The following TLL2 variants were observed in gnomAD, a reference collection of about 807,000 sequenced individuals.
TLL2 encodes the protein tolloid-like protein 2.
TLL2 carries 106 observed loss-of-function variants against 123.0 expected under a neutral mutation model. The observed-to-expected ratio is 0.86, with a 90% confidence interval of 0.74 to 1.01. The LOEUF is 1.01. Among genes scored for constraint, TLL2 ranks in the 50% least tolerant of loss-of-function variants. The pLI is 0.00. For missense variants in TLL2, 1,332 were observed against 1,336.7 expected, an observed-to-expected ratio of 1.00 and a Z score of 0.06; for synonymous variants, 494 against 516.8, an observed-to-expected ratio of 0.96 and a Z score of 0.60.
chr10:96,474,384 C>T (rs1847216110), intron 2 of TLL2, among the ~76,000 whole-genome samples: 1 of 152,188 alleles, frequency 6.6e-6, no homozygotes. Context: ...GGGAGGCATG[C>T]AGAGCAAAGA....
intron 2 of TLL2, among the ~76,000 whole-genome samples, chr10:96,447,471 G>A (rs920480467): frequency 1.3e-5 from 2 of 152,202 alleles, no homozygotes; most frequent in African/African-American, 4.8e-5. Flanking sequence ...ACCAGACACT[G>A]CAGTGGAGGT....
intron 7 of TLL2, among the ~76,000 whole-genome samples, chr10:96,417,139 G>A (rs540413692): frequency 1.4e-4 from 22 of 152,318 alleles, no homozygotes; most frequent in African/African-American, 4.1e-4. Flanking sequence ...CCCCAGATCA[G>A]CATATGTTCC....
At chr10:96,481,886 C>G (rs1847314800) in intron 1 of TLL2, among the ~76,000 whole-genome samples, 2 of 152,186 alleles carry the variant, frequency 1.3e-5, no homozygotes, top group African/African-American at 4.8e-5. Context: ...AAGCTGAGAA[C>G]TTCGAGTAAC....
At chr10:96,504,384 C>A (rs1847559955) in intron 1 of TLL2, among the ~76,000 whole-genome samples, 1 of 152,002 alleles carries the variant, frequency 6.6e-6, no homozygotes, top group Non-Finnish European at 1.5e-5. Flanking sequence ...CTGAGGTGGG[C>A]AGATCACTTG....
At chr10:96,417,828 CTG>C (rs1490877185) in intron 7 of TLL2, among the ~76,000 whole-genome samples, 1 of 152,224 alleles carries the variant, frequency 6.6e-6, no homozygotes, top group African/African-American at 2.4e-5. Context: ...TGTCAGATGA[CTG>C]TTGCTGTGAG....
At chr10:96,471,419 T>G (rs1171057579) in intron 2 of TLL2, among the ~76,000 whole-genome samples, 1 of 152,152 alleles carries the variant, frequency 6.6e-6, no homozygotes, top group Non-Finnish European at 1.5e-5. Flanking sequence ...CAGAGTCCCC[T>G]GCAGGTTCCG....
rs1325789432 is a variant in TLL2 at position 96,386,157 on chromosome 10, CG to C, written c.1910del (p.Pro637ArgfsTer42). On this transcript the variant is annotated frameshift_variant, in exon 15 of 21. Coordinates refer to ENST00000357947, the MANE Select transcript of TLL2 (RefSeq NM_012465.4). LOFTEE classifies it high-confidence loss of function. ...LNGTITSPGW[P>X]KEYPTNKNCV... ...AGTTTTTGTTTGTGGGATACTCCTT[CG>C]GCCACCCAGGGCTGGTGATGGTTCC... 5 of 1,612,888 alleles carry C rather than the reference CG, an allele frequency of 3.1e-6. No individual in the cohort carries two copies. The highest frequency in any genetic ancestry group is 1.3e-5 in the African/African-American group (1 of 74,980).
chr10:96,421,849 A>G (rs1589418601), intron 6 of TLL2, among the ~76,000 whole-genome samples: 1 of 151,212 alleles, frequency 6.6e-6, no homozygotes, highest in African/African-American at 2.4e-5. Flanking sequence ...AAAAACAAAC[A>G]AAAAAAACAA....
At chr10:96,410,291 A>T (rs1222981770) in intron 9 of TLL2, 68 bp downstream of exon 9, 4 of 1,162,724 alleles carry the variant, frequency 3.4e-6, no homozygotes, top group Non-Finnish European at 5.0e-6. Flanking sequence ...TATTAACAAT[A>T]AGAACTCCTC....
chr10:96,458,738 T>A (rs1847043608), intron 2 of TLL2, among the ~76,000 whole-genome samples: 1 of 150,808 alleles, frequency 6.6e-6, no homozygotes, highest in Admixed American at 6.6e-5. Context: ...GCCACTGCAC[T>A]CCAGCCTGGG....
At chr10:96,415,739 G>GTCTCTCTCTCTCTCTCTCTCTCTGTC in intron 7 of TLL2, among the ~76,000 whole-genome samples, 1 of 28,068 alleles carries the variant, frequency 3.6e-5, no homozygotes. Flanking sequence ...GTCTCTCTCT[G>GTCTCTCTCTCTCTCTCTCTCTCTGTC]TCTCTCTCTC....
intron 2 of TLL2, among the ~76,000 whole-genome samples, chr10:96,470,065 C>T (rs1847164543): frequency 6.6e-6 from 1 of 152,198 alleles, no homozygotes; most frequent in African/African-American, 2.4e-5. Flanking sequence ...CCAGCAAGCT[C>T]TCCCCGGCTT....
intron 10 of TLL2, among the ~76,000 whole-genome samples, chr10:96,398,158 C>A (rs1249772189): frequency 1.3e-5 from 2 of 152,090 alleles, no homozygotes; most frequent in Non-Finnish European, 2.9e-5. Flanking sequence ...TGATTCCAGG[C>A]CCAAGAGGGG....
intron 1 of TLL2, among the ~76,000 whole-genome samples, chr10:96,493,641 T>C (rs189172522): frequency 5.9e-5 from 9 of 152,114 alleles, no homozygotes; most frequent in Non-Finnish European, 8.8e-5. Context: ...CTGAGGCTGT[T>C]AGAGCACCCA....
At chr10:96,369,948 C>A (rs1846062369) in intron 20 of TLL2, 117 bp downstream of exon 20, 1 of 1,397,440 alleles carries the variant, frequency 7.2e-7, no homozygotes, top group Non-Finnish European at 9.5e-7. Context: ...CGTGCCTCCT[C>A]GCCGTTGCTC....
intron 2 of TLL2, among the ~76,000 whole-genome samples, chr10:96,463,269 G>T (rs930541904): frequency 6.6e-6 from 1 of 152,170 alleles, no homozygotes; most frequent in African/African-American, 2.4e-5. Flanking sequence ...TTCCCACTGC[G>T]TCACAGCAGG....
At chr10:96,378,938 C>A (rs199498270) in intron 17 of TLL2, 29 bp downstream of exon 17, 3 of 1,612,120 alleles carry the variant, frequency 1.9e-6, no homozygotes, top group Non-Finnish European at 2.5e-6. Context: ...GGCAGCCCGC[C>A]CCCCCAACAA....
chr10:96,488,491 C>T (rs1289887141), intron 1 of TLL2, among the ~76,000 whole-genome samples: 1 of 152,222 alleles, frequency 6.6e-6, no homozygotes, highest in Non-Finnish European at 1.5e-5. Context: ...TTGTGTTCTA[C>T]AGATCTTGCC....
At chr10:96,509,273 T>C (rs1242002739) in intron 1 of TLL2, among the ~76,000 whole-genome samples, 1 of 152,192 alleles carries the variant, frequency 6.6e-6, no homozygotes, top group Non-Finnish European at 1.5e-5. Flanking sequence ...CTTTTCTACA[T>C]TCCTAATCAA....
Sources: gnomAD v4.1 joint callset for allele counts (sites outside exome capture counted in the v4.1 genomes callset) on GRCh38, gnomAD v4.1.1 for gene constraint, MANE v1.5 for transcripts, NCBI Gene and HGNC (gene_info 2026-07-23, HGNC 2026-07-21) for gene names.